The following FAAP24 variants were observed in gnomAD, a reference collection of about 807,000 sequenced individuals.
FAAP24 encodes Fanconi anemia core complex-associated protein 24.
A neutral mutation model predicts 14.3 loss-of-function variants in FAAP24; 16 were observed. The observed-to-expected ratio is 1.12, with a 90% CI of 0.76 to 1.69. The LOEUF is 1.69. Among genes scored for constraint, FAAP24 ranks in the 40% most tolerant of loss-of-function variants. FAAP24 has a pLI of 0.00. For missense variants in FAAP24, 234 were observed against 262.7 expected, an observed-to-expected ratio of 0.89 and a Z score of 0.75; for synonymous variants, 111 against 106.2, an observed-to-expected ratio of 1.04 and a Z score of -0.28.
chr19:32,972,593 C>G (rs1304235677), intron 1 of FAAP24, among the ~76,000 whole-genome samples: 1 of 152,008 alleles, frequency 6.6e-6, no homozygotes, highest in Non-Finnish European at 1.5e-5. Context: ...TCTTTTAAAA[C>G]TTAAATCTGA....
intron 1 of FAAP24, among the ~76,000 whole-genome samples, chr19:32,972,779 A>C (rs1405083144): frequency 1.5e-5 from 2 of 133,712 alleles, no homozygotes; most frequent in Non-Finnish European, 1.5e-5. Context: ...CAGTGGCGCG[A>C]TCTCGGCTCA....
chr19:32,972,907 G>A (rs552734026), intron 1 of FAAP24, among the ~76,000 whole-genome samples: 1 of 151,820 alleles, frequency 6.6e-6, no homozygotes, highest in South Asian at 2.1e-4. Flanking sequence ...GTAGAGACGC[G>A]GTTTCACTAT....
rs1568304216 is a variant in FAAP24, at chr19:32,974,107, T to C, written c.291T>C (p.Ser97=). The C allele has an allele frequency of 1.2e-6, 2 of 1,614,048 alleles. No homozygotes were observed. Among genetic ancestry groups the C allele is most frequent in the Admixed American group, 1.7e-5 (1 of 59,996 alleles). ...TAGTCGTTGAAAAAACCCGGATGAG[T>C]GAACAATACTTCCCAGCCCTACAGA... ...GIVVVEKTRM[S]EQYFPALQKF... Residue 97 remains serine (S), a synonymous_variant, in exon 4 of 5, where the codon AGT becomes AGC. Coordinates refer to ENST00000588258, the MANE Select transcript of FAAP24 (RefSeq NM_152266.5).
Position 32,973,540 on chromosome 19 carries a change from A to G in FAAP24, c.221A>G (p.Lys74Arg). ...TTGGTGGCAGGAAATGGCTACAGAA[A>G]GAGGCTTGTTCGGGTTAGAAATGTA... ...ADLVAGNGYR[K>R]RLVRVRNSNN... Residue 74 changes from lysine (K) to arginine (R), a missense_variant, in exon 3 of 5, where the codon AAG (lysine) becomes AGG (arginine). Transcript: ENST00000588258. The G allele has an allele frequency of 6.2e-7, 1 of 1,614,210 alleles. No individual in the cohort carries two copies.
In FAAP24 at chr19:32,976,695, G is replaced by C; in HGVS notation, c.*13G>C. 3 of 1,611,676 alleles carry C rather than the reference G, an allele frequency of 1.9e-6. No individual in the cohort carries two copies. Among genetic ancestry groups the C allele is most frequent in the Non-Finnish European group, 2.5e-6 (3 of 1,178,378 alleles). ...GCAGCCCAGGTGAGGGCTGGCCTCA[G>C]GGCCACGGCATCTTCTCCTGAGACC... On this transcript the variant is annotated 3_prime_UTR_variant, in exon 5 of 5. Transcript: ENST00000588258.
In FAAP24 at chr19:32,972,297, G is replaced by A. The variant is rs1971437996; in HGVS notation, c.-63G>A. Reference sequence around the variant, plus strand: ...AACATGATCTCTAGACTGGGACGGTGGGGTTCCTGCCGGCTGTATTCGGGC... The same window carrying A: ...AACATGATCTCTAGACTGGGACGGTAGGGTTCCTGCCGGCTGTATTCGGGC... On this transcript the variant is annotated 5_prime_UTR_variant, in exon 1 of 5. An upstream open reading frame in the 5' UTR gains an earlier in-frame stop. Coordinates refer to ENST00000588258, the MANE Select transcript of FAAP24 (RefSeq NM_152266.5). The A allele has an allele frequency of 2.4e-6, 1 of 424,558 alleles. No homozygotes were observed. The highest frequency in any genetic ancestry group is 4.2e-6 in the Non-Finnish European group (1 of 238,936). The allele number at this position is 424,558 out of a possible 1,614,324, so 26.3% of individuals were successfully genotyped here.
chr19:32,974,059 G>A lies in FAAP24; in HGVS notation c.244-1G>A, dbSNP rs762246200. 4 of 1,611,788 alleles carry A rather than the reference G, an allele frequency of 2.5e-6. No homozygotes were observed. The highest frequency in any genetic ancestry group is 3.4e-6 in the Non-Finnish European group (4 of 1,179,458). ...GACTTACTGTCTTTTTTCCTTTCAA[G>A]TCCAATAATCTTAAAGGAATTGTAG... On this transcript the variant is annotated splice_acceptor_variant, in intron 3 of 4. Coordinates refer to ENST00000588258, the MANE Select transcript of FAAP24 (RefSeq NM_152266.5). LOFTEE classifies it high-confidence loss of function.
At position 32,976,437 on chromosome 19, in the gene FAAP24, G is replaced by A; in HGVS notation, c.403G>A (p.Glu135Lys). ...TGCTTTCATTGTGGTTCAGGTTCAA[G>A]AGCAAACCAAAGAGCCCAGTAAGAA... ...ASCLVIQLVQ[E>K]QTKEPSKNPL... Residue 135 changes from glutamate to lysine, a missense_variant, in exon 5 of 5, where the codon GAG (glutamate) becomes AAG (lysine). Coordinates refer to ENST00000588258, the MANE Select transcript of FAAP24 (RefSeq NM_152266.5). 6.2e-7 allele frequency: 1 copy of A among 1,613,188 alleles called. No homozygotes were observed. The highest frequency in any genetic ancestry group is 8.5e-7 in the Non-Finnish European group (1 of 1,179,482).
chr19:32,976,925 C>T lies in FAAP24; in HGVS notation c.*243C>T. Reference sequence around the variant, plus strand: ...GCATGGTGACAGGTGCCTGTAATCCCAGCTACTTGGGAGGCCGAGGCATGA... The same window carrying T: ...GCATGGTGACAGGTGCCTGTAATCCTAGCTACTTGGGAGGCCGAGGCATGA... On this transcript the variant is annotated 3_prime_UTR_variant, in exon 5 of 5. Transcript: ENST00000588258. 1.8e-6 allele frequency: 1 copy of T among 553,582 alleles called. No homozygotes were observed. The highest frequency in any genetic ancestry group is 3.4e-5 in the Admixed American group (1 of 29,598). The allele number at this position is 553,582 out of a possible 1,614,324, so 34.3% of individuals were successfully genotyped here.
chr19:32,976,555 C>T lies in FAAP24; in HGVS notation c.521C>T (p.Ala174Val), dbSNP rs749761489. ...ATCCCAGGAGTTGGAAAAGTTAAAG[C>T]TCCCCTTCTCCTCCAGAAGTTTCCA... ...QQIPGVGKVK[A>V]PLLLQKFPSI... The change falls in exon 5 of 5, where the codon GCT (alanine) becomes GTT (valine). Residue 174 changes from alanine (A) to valine (V), a missense_variant. Physicochemically the swap from Ala to Val is moderately conservative, Grantham distance 64. Transcript: ENST00000588258. The T allele has an allele frequency of 6.2e-7, 1 of 1,614,190 alleles. No individual in the cohort carries two copies.
chr19:32,973,221 A>G lies in FAAP24; in HGVS notation c.25A>G (p.Thr9Ala). MEKNPPDD[T>A]GPVHVPLGHI... Reference sequence around the variant, plus strand: ...CATGGAAAAGAACCCCCCTGATGATACGGGCCCCGTGCACGTGCCTTTGGG... The same window carrying G: ...CATGGAAAAGAACCCCCCTGATGATGCGGGCCCCGTGCACGTGCCTTTGGG... Residue 9 changes from threonine to alanine, a missense_variant, in exon 2 of 5, where the codon ACG becomes GCG. Transcript: ENST00000588258. 2 of 1,613,722 alleles carry G rather than the reference A, an allele frequency of 1.2e-6. No homozygotes were observed. The highest frequency in any genetic ancestry group is 1.7e-6 in the Non-Finnish European group (2 of 1,180,012).
rs755462630 is a variant in FAAP24 at position 32,976,559 on chromosome 19, C to T, written c.525C>T (p.Pro175=). The change falls in exon 5 of 5, where the codon CCC becomes CCT. Residue 175 remains proline, a synonymous_variant. Coordinates refer to ENST00000588258, the MANE Select transcript of FAAP24 (RefSeq NM_152266.5). ...QIPGVGKVKA[P]LLLQKFPSIQ... The stretch of plus-strand genomic sequence containing the variant: ...CAGGAGTTGGAAAAGTTAAAGCTCC[C>T]CTTCTCCTCCAGAAGTTTCCAAGCA... The T allele has an allele frequency of 5.0e-5, 81 of 1,614,046 alleles. No individual in the cohort carries two copies. Among genetic ancestry groups the T allele is most frequent in the Non-Finnish European group, 6.4e-5 (75 of 1,180,030 alleles).
rs1202601036 is a variant in FAAP24 at position 32,973,302 on chromosome 19, G to C, written c.106G>C (p.Gly36Arg). The C allele has an allele frequency of 2.5e-6, 4 of 1,613,936 alleles. No individual in the cohort carries two copies. The highest frequency in any genetic ancestry group is 3.4e-6 in the Non-Finnish European group (4 of 1,179,924). The part of the protein sequence containing the change: ...RGSQLAQEMQ[G>R]KIKLIFEDGL... ...GTCACAGCTGGCGCAGGAGATGCAA[G>C]GTCGGTGGCCTGCCCTCTGCCAGCC... The change falls in exon 2 of 5, where the codon GGG becomes CGG. Residue 36 changes from glycine (G) to arginine (R), a missense_variant and splice_region_variant. Physicochemically the swap from Gly to Arg is moderately radical, Grantham distance 125. Transcript: ENST00000588258.
chr19:32,977,138 C>G lies in FAAP24; in HGVS notation c.*456C>G. The G allele has an allele frequency of 5.0e-6, 2 of 403,232 alleles. No individual in the cohort carries two copies. The highest frequency in any genetic ancestry group is 8.7e-6 in the Non-Finnish European group (2 of 228,812). 25.0% of individuals were successfully genotyped at this position (403,232 alleles called of 1,614,324 possible). ...GGCTTGAATGGAGCCCGTGGGTCGT[C>G]CTGCCTTAGCGTCTGAGTTCAGCTT... On this transcript the variant is annotated 3_prime_UTR_variant, in exon 5 of 5. Transcript: ENST00000588258.
intron 1 of FAAP24, 167 bp downstream of exon 1, chr19:32,972,513 G>A (rs953744268): frequency 2.6e-5 from 10 of 388,994 alleles, no homozygotes; most frequent in Non-Finnish European, 4.1e-5. Context: ...CTGGGCACAA[G>A]CGATCCTCAC....
chr19:32,976,474 G>C lies in FAAP24; in HGVS notation c.440G>C (p.Gly147Ala), dbSNP rs750183876. The change falls in exon 5 of 5, where the codon GGG (glycine) becomes GCG (alanine). Residue 147 changes from glycine (G) to alanine (A), a missense_variant. Physicochemically the swap from Gly to Ala is moderately conservative, Grantham distance 60 (BLOSUM62 0). Transcript: ENST00000588258. The stretch of plus-strand genomic sequence containing the variant: ...GAGCCCAGTAAGAACCCTCTTCTCG[G>C]GAAGAAACGGGCCCTGCTGCTGTCT... ...TKEPSKNPLL[G>A]KKRALLLSEP... is the part of the protein sequence containing the mutation. 6.2e-7 allele frequency: 1 copy of C among 1,614,076 alleles called. No homozygotes were observed. Among genetic ancestry groups the C allele is most frequent in the African/African-American group, 1.3e-5 (1 of 74,934 alleles).
chr19:32,974,285 A>AT, intron 4 of FAAP24, 73 bp downstream of exon 4: 1 of 1,479,854 alleles, frequency 6.8e-7, no homozygotes, highest in Non-Finnish European at 9.1e-7. Context: ...AGAAGCAACC[A>AT]TCAATCCAAT....
intron 3 of FAAP24, among the ~76,000 whole-genome samples, chr19:32,973,812 G>A (rs1325598370): frequency 6.6e-6 from 1 of 152,158 alleles, no homozygotes; most frequent in African/African-American, 2.4e-5. Context: ...CCGAGATCAC[G>A]CCACTGCACT....
At position 32,976,632 on chromosome 19, in the gene FAAP24, G is replaced by C; in HGVS notation, c.598G>C (p.Gly200Arg). Residue 200 changes from glycine to arginine, a missense_variant, in exon 5 of 5, where the codon GGA becomes CGA. By Grantham distance (125) the Gly-to-Arg change is moderately radical (BLOSUM62 -2). Coordinates refer to ENST00000588258, the MANE Select transcript of FAAP24 (RefSeq NM_152266.5). ...CATTGGGGAACTGGAGCAGGTGGTC[G>C]GACAAGCAGTGGCACAGCAGATCCA... is the stretch of plus-strand genomic sequence containing the variant. The part of the protein sequence containing the change: ...ASIGELEQVV[G>R]QAVAQQIHAF... 2 of 1,614,152 alleles carry C rather than the reference G, an allele frequency of 1.2e-6. No homozygotes were observed. Among genetic ancestry groups the C allele is most frequent in the South Asian group, 1.1e-5 (1 of 91,084 alleles).
Sources: gnomAD v4.1 joint callset for allele counts (sites outside exome capture counted in the v4.1 genomes callset) on GRCh38, gnomAD v4.1.1 for gene constraint, MANE v1.5 for transcripts, NCBI Gene and HGNC (gene_info 2026-07-23, HGNC 2026-07-21) for gene names.